The following ANKS1A variants were observed in gnomAD, a reference collection of about 807,000 sequenced individuals.
ANKS1A encodes the protein ankyrin repeat and SAM domain-containing protein 1A.
Under a neutral mutation model 120.3 loss-of-function variants are expected in ANKS1A, and 55 were observed. The observed-to-expected ratio is 0.46, with a 90% CI of 0.37 to 0.57. The LOEUF is 0.57. ANKS1A is among the 20% of genes least tolerant of loss of function. The pLI is 0.00. For synonymous variants in ANKS1A, 590 were observed against 604.7 expected (o/e 0.98, Z 0.36); for missense variants, 1,123 against 1,480.3 (o/e 0.76, Z 3.96).
At chr6:34,913,908 C>G (rs1236444904) in intron 1 of ANKS1A, among the ~76,000 whole-genome samples, 1 of 151,138 alleles carries the variant, frequency 6.6e-6, no homozygotes, top group East Asian at 2.0e-4. Context: ...AGTCACTGTG[C>G]CCAGCCAATA....
intron 10 of ANKS1A, among the ~76,000 whole-genome samples, chr6:35,011,396 C>A (rs1773751262): frequency 1.3e-5 from 2 of 152,228 alleles, no homozygotes; most frequent in East Asian, 1.9e-4. Flanking sequence ...CTGATCCAGG[C>A]AAAGCTGGTA....
chr6:34,928,946 C>T (rs953218274), intron 1 of ANKS1A, among the ~76,000 whole-genome samples: 1 of 152,204 alleles, frequency 6.6e-6, no homozygotes, highest in African/African-American at 2.4e-5. Context: ...GCTGTGCCCA[C>T]TTATACTAGC....
intron 11 of ANKS1A, among the ~76,000 whole-genome samples, chr6:35,027,507 G>T (rs1445786675): frequency 1.3e-5 from 2 of 152,220 alleles, no homozygotes; most frequent in Admixed American, 1.3e-4. Flanking sequence ...ATATCCCAGA[G>T]AAGTTTAATT....
At chr6:34,969,931 G>A (rs1771096840) in intron 2 of ANKS1A, 79 bp from the exon 3 acceptor site, 1 of 1,514,242 alleles carries the variant, frequency 6.6e-7, no homozygotes, top group South Asian at 1.3e-5. Context: ...AAAGGGCTTT[G>A]TGCCATATAG....
intron 1 of ANKS1A, among the ~76,000 whole-genome samples, chr6:34,898,550 A>G (rs1467337284): frequency 6.6e-6 from 1 of 152,218 alleles, no homozygotes; most frequent in East Asian, 1.9e-4. Context: ...ATATATTTTC[A>G]GAGCTTTTTG....
rs1766721394 is a variant in ANKS1A, at chr6:34,889,961, T to A, written c.197+362T>A. The stretch of plus-strand genomic sequence containing the variant: ...TATGTATATCTTATATATATATATA[T>A]GAGATCTCCCTCACCTCCTGCAGAA... On this transcript the variant is annotated intron_variant, in intron 1 of 23. Coordinates refer to ENST00000360359, the MANE Select transcript of ANKS1A (RefSeq NM_015245.3). This position sits in a 1 kb window ranked among gnomAD's most constrained non-coding sequence, Gnocchi z 5.5. 1.3e-5 allele frequency among the ~76,000 whole-genome samples: 2 copies of A among 152,056 alleles called. No individual in the cohort carries two copies. Among genetic ancestry groups the A allele is most frequent in the Admixed American group, 6.5e-5 (1 of 15,282 alleles).
At chr6:34,972,497 G>A in intron 3 of ANKS1A, 1 of 640,204 alleles carries the variant, frequency 1.6e-6, no homozygotes, top group Non-Finnish European at 1.9e-6. Flanking sequence ...TTGTTCTAGG[G>A]TTGGGTTCCC....
chr6:34,923,093 C>T (rs753973164), intron 1 of ANKS1A, among the ~76,000 whole-genome samples: 20 of 152,244 alleles, frequency 1.3e-4, no homozygotes, highest in African/African-American at 3.1e-4. Flanking sequence ...GACTACGATG[C>T]GTGGTGAGAG....
chr6:35,064,266 G>A (rs537927530), intron 13 of ANKS1A, among the ~76,000 whole-genome samples: 298 of 152,276 alleles, frequency 2.0e-3, no homozygotes, highest in African/African-American at 6.8e-3. Flanking sequence ...GTCATGGCTC[G>A]GGGCAGTGGA....
intron 10 of ANKS1A, among the ~76,000 whole-genome samples, chr6:34,999,602 A>C (rs1773046151): frequency 6.6e-6 from 1 of 152,196 alleles, no homozygotes; most frequent in South Asian, 2.1e-4. Flanking sequence ...AAAACTTAGA[A>C]CTTTGTGTGA....
downstream of ANKS1A, among the ~76,000 whole-genome samples, chr6:35,094,172 T>A (rs556307711): frequency 1.2e-4 from 18 of 152,224 alleles, no homozygotes; most frequent in South Asian, 3.5e-3. Flanking sequence ...AAAGAGAAGG[T>A]TTAAATAAGA....
At chr6:34,952,420 G>T (rs772472848) in intron 1 of ANKS1A, among the ~76,000 whole-genome samples, 7 of 152,148 alleles carry the variant, frequency 4.6e-5, no homozygotes, top group Non-Finnish European at 1.0e-4. Context: ...CCCTAATGGG[G>T]GAGGCATCTG....
chr6:34,960,169 C>T (rs964437475), intron 1 of ANKS1A, among the ~76,000 whole-genome samples: 2 of 152,162 alleles, frequency 1.3e-5, no homozygotes, highest in Non-Finnish European at 2.9e-5. Flanking sequence ...GACCCCCTCA[C>T]GGCTCTTTAC....
chr6:34,952,288 CA>C (rs2127494010), intron 1 of ANKS1A, among the ~76,000 whole-genome samples: 1 of 152,308 alleles, frequency 6.6e-6, no homozygotes, highest in African/African-American at 2.4e-5. Context: ...TTTTTAGATG[CA>C]AAGTTCCAAG....
At chr6:34,896,794 A>G (rs1272435916) in intron 1 of ANKS1A, among the ~76,000 whole-genome samples, 1 of 152,070 alleles carries the variant, frequency 6.6e-6, no homozygotes, top group Non-Finnish European at 1.5e-5. Flanking sequence ...GTAAAACCCC[A>G]TCTCTATTAA....
intron 1 of ANKS1A, among the ~76,000 whole-genome samples, chr6:34,903,790 CAGGCA>C (rs1561838316): frequency 7.2e-5 from 11 of 152,046 alleles, no homozygotes; most frequent in Non-Finnish European, 1.5e-4. Context: ...GTTGGGATTA[CAGGCA>C]TGAGCCACTG....
At chr6:34,964,653 A>G (rs994002006) in intron 1 of ANKS1A, among the ~76,000 whole-genome samples, 1 of 152,154 alleles carries the variant, frequency 6.6e-6, no homozygotes, top group African/African-American at 2.4e-5. Context: ...ATGGATAGAC[A>G]TTAAGTTTTT....
At chr6:34,897,805 G>C (rs1767166398) in intron 1 of ANKS1A, among the ~76,000 whole-genome samples, 1 of 152,262 alleles carries the variant, frequency 6.6e-6, no homozygotes, top group African/African-American at 2.4e-5. Context: ...AAACAAGTCA[G>C]TTGTCTCTGC....
intron 13 of ANKS1A, among the ~76,000 whole-genome samples, chr6:35,069,639 C>G (rs1776976092): frequency 6.6e-6 from 1 of 151,984 alleles, no homozygotes; most frequent in Non-Finnish European, 1.5e-5. Context: ...CCCCCAGGCT[C>G]AAGTGATCCT....
Sources: allele counts gnomAD v4.1 joint callset (sites outside exome capture counted in the v4.1 genomes callset), GRCh38; gene constraint gnomAD v4.1.1; non-coding constraint Gnocchi (gnomAD v3.1); transcripts MANE v1.5; gene names NCBI Gene and HGNC (gene_info 2026-07-23, HGNC 2026-07-21).